Variants in COL11A1 observed in about 807,000 individuals in gnomAD.
The protein encoded by COL11A1 is collagen alpha-1(XI) chain.
A neutral mutation model predicts 265.2 loss-of-function variants in COL11A1; 74 were observed. That is an observed-to-expected ratio of 0.28 (90% CI 0.23 to 0.34). COL11A1 has a LOEUF of 0.34. COL11A1 is among the 10% of genes least tolerant of loss of function. The pLI is 1.00. For missense variants in COL11A1, 2,165 were observed against 2,263.6 expected (o/e 0.96, Z 0.88); for synonymous variants, 816 against 727.6 (o/e 1.12, Z -1.96).
At chr1:103,026,086 T>G (rs1233625188) in intron 6 of COL11A1, 130 bp downstream of exon 6, 7 of 1,210,678 alleles carry the variant, frequency 5.8e-6, no homozygotes, top group African/African-American at 1.5e-5. Context: ...CAAATAAAAA[T>G]CACAGTTATT....
chr1:102,957,251 G>T (rs1325506850), intron 41 of COL11A1, among the ~76,000 whole-genome samples: 1 of 152,046 alleles, frequency 6.6e-6, no homozygotes, highest in Non-Finnish European at 1.5e-5. Context: ...ACACTTGAAT[G>T]GATACATTAG....
intron 41 of COL11A1, among the ~76,000 whole-genome samples, chr1:102,958,984 G>A (rs950100869): frequency 5.9e-5 from 9 of 152,200 alleles, no homozygotes; most frequent in Admixed American, 3.9e-4. Flanking sequence ...TCAAATCTTA[G>A]TCATAAATCC....
intron 54 of COL11A1, 51 bp downstream of exon 54, chr1:102,912,108 C>G (rs376567968): frequency 4.3e-6 from 6 of 1,400,952 alleles, no homozygotes; most frequent in Non-Finnish European, 6.0e-6. Context: ...ATAAATTTAT[C>G]CATGGTGACT....
chr1:103,071,360 G>T (rs1344178470), intron 4 of COL11A1, among the ~76,000 whole-genome samples: 2 of 148,932 alleles, frequency 1.3e-5, no homozygotes, highest in Admixed American at 1.4e-4. Context: ...TAATTGTATT[G>T]ACAATAAATA....
At chr1:103,102,346 TA>T (rs1417018305) in intron 1 of COL11A1, among the ~76,000 whole-genome samples, 3 of 152,112 alleles carry the variant, frequency 2.0e-5, no homozygotes. Flanking sequence ...AAACTGCATT[TA>T]AAGTTGACTC....
intron 54 of COL11A1, among the ~76,000 whole-genome samples, chr1:102,907,155 C>A (rs368816532): frequency 6.6e-6 from 1 of 152,032 alleles, no homozygotes; most frequent in Non-Finnish European, 1.5e-5. Context: ...GTAAGCAATG[C>A]ATAGTCACCA....
At chr1:103,025,398 T>C (rs1243548158) in intron 7 of COL11A1, 123 bp downstream of exon 7, 1 of 751,220 alleles carries the variant, frequency 1.3e-6, no homozygotes, top group Non-Finnish European at 2.3e-6. Flanking sequence ...TCTCTTACTT[T>C]AGTAAAAGAA....
At chr1:102,958,093 A>G (rs1660544072) in intron 41 of COL11A1, among the ~76,000 whole-genome samples, 1 of 152,122 alleles carries the variant, frequency 6.6e-6, no homozygotes, top group Non-Finnish European at 1.5e-5. Flanking sequence ...TATTTGGTCA[A>G]TATTCTAAAG....
intron 41 of COL11A1, among the ~76,000 whole-genome samples, chr1:102,954,291 T>C (rs1435088580): frequency 6.6e-6 from 1 of 152,152 alleles, no homozygotes; most frequent in Non-Finnish European, 1.5e-5. Context: ...CCTGGAGCAA[T>C]GAGAATAGAA....
chr1:102,937,097 G>C (rs1658226513), intron 44 of COL11A1, among the ~76,000 whole-genome samples: 1 of 152,026 alleles, frequency 6.6e-6, no homozygotes, highest in African/African-American at 2.4e-5. Context: ...TTTATTAAAA[G>C]TGCTTTGGGC....
At chr1:102,955,403 G>A (rs935452483) in intron 41 of COL11A1, among the ~76,000 whole-genome samples, 4 of 152,094 alleles carry the variant, frequency 2.6e-5, no homozygotes, top group Admixed American at 6.6e-5. Context: ...CAGGAAAACA[G>A]CAAAGACTGC....
intron 4 of COL11A1, among the ~76,000 whole-genome samples, chr1:103,048,347 G>A (rs61816512): frequency 0.14 from 20,927 of 152,128 alleles, 1,542 homozygotes; most frequent in African/African-American, 0.15. Flanking sequence ...TGTATGTGTC[G>A]AGGAATTTAT....
At chr1:102,969,756 C>T (rs181078943) in intron 37 of COL11A1, among the ~76,000 whole-genome samples, 3 of 152,218 alleles carry the variant, frequency 2.0e-5, no homozygotes, top group South Asian at 2.1e-4. Flanking sequence ...CAGTTATAGC[C>T]GATGGGTCCA....
chr1:103,031,100 G>A lies in COL11A1; in HGVS notation c.780+16C>T. 3 of 1,613,106 alleles carry A rather than the reference G, an allele frequency of 1.9e-6. No individual in the cohort carries two copies. The highest frequency in any genetic ancestry group is 2.5e-6 in the Non-Finnish European group (3 of 1,179,434). On this transcript the variant is annotated intron_variant, in intron 5 of 66. Coordinates refer to ENST00000370096, the MANE Select transcript of COL11A1 (RefSeq NM_001854.4). ...CACTGAAATACGAAGACCTTCTCTG[G>A]TCTTGTGCTCCTCACCTCATCTATC...
intron 52 of COL11A1, 29 bp from the exon 53 acceptor site, chr1:102,913,719 G>A (rs757531076): frequency 3.1e-6 from 5 of 1,598,670 alleles, no homozygotes; most frequent in Middle Eastern, 3.3e-4. Context: ...TATGAAGCAA[G>A]ATATATCTCA....
intron 46 of COL11A1, among the ~76,000 whole-genome samples, chr1:102,930,763 T>C (rs1166713731): frequency 1.3e-5 from 2 of 151,908 alleles, no homozygotes; most frequent in Non-Finnish European, 2.9e-5. Context: ...ATTGCCACAA[T>C]TTCAGATCCT....
chr1:103,065,273 C>T (rs1571196715), intron 4 of COL11A1, among the ~76,000 whole-genome samples: 2 of 152,244 alleles, frequency 1.3e-5, no homozygotes, highest in African/African-American at 4.8e-5. Context: ...ATAATCCCAG[C>T]ACTTTGGGAG....
At chr1:102,929,379 T>C (rs1054475884) in intron 46 of COL11A1, among the ~76,000 whole-genome samples, 1 of 152,256 alleles carries the variant, frequency 6.6e-6, no homozygotes, top group African/African-American at 2.4e-5. Context: ...TTTTCTCAGG[T>C]TTGTCAAAGA....
chr1:102,998,328 A>G lies in COL11A1; in HGVS notation c.2178T>C (p.Pro726=), dbSNP rs1298633686. Reference sequence around the variant, plus strand: ...TACTTACAGGAGGCCCATCAGCACCAGGAAGTCCAGCAAGTCCTGGTTTTC... The same window carrying G: ...TACTTACAGGAGGCCCATCAGCACCGGGAAGTCCAGCAAGTCCTGGTTTTC... ...PQGKPGLAGL[P]GADGPPGHPG... is the part of the protein sequence containing the mutation. The change falls in exon 25 of 67, where the codon CCT becomes CCC. Residue 726 remains proline, a synonymous_variant. Transcript: ENST00000370096. The G allele has an allele frequency of 1.2e-6, 2 of 1,606,314 alleles. No individual in the cohort carries two copies. Among genetic ancestry groups the G allele is most frequent in the South Asian group, 2.2e-5 (2 of 90,010 alleles).
Sources: gnomAD v4.1 joint callset for allele counts (sites outside exome capture counted in the v4.1 genomes callset) on GRCh38, gnomAD v4.1.1 for gene constraint, MANE v1.5 for transcripts, NCBI Gene and HGNC (gene_info 2026-07-23, HGNC 2026-07-21) for gene names.